The following PKHD1 variants were observed in gnomAD, a reference collection of about 807,000 sequenced individuals.
PKHD1 encodes PKHD1 ciliary IPT domain containing fibrocystin/polyductin.
Under a neutral mutation model 412.0 loss-of-function variants are expected in PKHD1, and 291 were observed. That is an observed-to-expected ratio of 0.71 (90% CI 0.64 to 0.78). The LOEUF is 0.78. Among genes scored for constraint, PKHD1 ranks in the 30% least tolerant of loss-of-function variants. The pLI is 0.00. For missense variants in PKHD1, 4,825 were observed against 4,950.7 expected, an observed-to-expected ratio of 0.97 and a Z score of 0.76; for synonymous variants, 1,777 against 1,821.5, an observed-to-expected ratio of 0.98 and a Z score of 0.62.
chr6:51,791,831 C>T (rs77832207), intron 52 of PKHD1, among the ~76,000 whole-genome samples: 2,921 of 152,250 alleles, frequency 0.019, 99 homozygotes, highest in African/African-American at 0.065. Context: ...CTCTGTGCCT[C>T]GGTTATCTCA....
At chr6:51,678,569 G>A (rs1002242494) in intron 60 of PKHD1, among the ~76,000 whole-genome samples, 1 of 152,004 alleles carries the variant, frequency 6.6e-6, no homozygotes, top group Non-Finnish European at 1.5e-5. Flanking sequence ...GACAACCTAT[G>A]TTTTCAAGAA....
At chr6:51,795,235 C>A (rs1024078719) in intron 52 of PKHD1, among the ~76,000 whole-genome samples, 9 of 152,086 alleles carry the variant, frequency 5.9e-5, no homozygotes, top group African/African-American at 1.7e-4. Flanking sequence ...TTAAGGAGAA[C>A]TGTTCACTTC....
At chr6:51,925,004 G>C (rs1461488171) in intron 37 of PKHD1, among the ~76,000 whole-genome samples, 1 of 152,164 alleles carries the variant, frequency 6.6e-6, no homozygotes, top group African/African-American at 2.4e-5. Context: ...ATAGATGTGG[G>C]AACTGAAACA....
At chr6:51,703,747 C>T (rs764187409) in intron 60 of PKHD1, among the ~76,000 whole-genome samples, 2 of 151,982 alleles carry the variant, frequency 1.3e-5, no homozygotes, top group African/African-American at 4.8e-5. Flanking sequence ...TGATTGATGA[C>T]ATATTAAAGA....
At chr6:51,831,403 G>C (rs1768221560) in intron 51 of PKHD1, among the ~76,000 whole-genome samples, 1 of 151,870 alleles carries the variant, frequency 6.6e-6, no homozygotes, top group Non-Finnish European at 1.5e-5. Context: ...TTTACACCCA[G>C]TTCTACTTTT....
chr6:51,803,182 G>A (rs1763202420), intron 52 of PKHD1, among the ~76,000 whole-genome samples: 1 of 151,276 alleles, frequency 6.6e-6, no homozygotes, highest in African/African-American at 2.5e-5. Flanking sequence ...AACTTCTGTA[G>A]AAGTTGTCAT....
intron 35 of PKHD1, among the ~76,000 whole-genome samples, chr6:51,985,215 T>C (rs1314123401): frequency 6.6e-6 from 1 of 152,188 alleles, no homozygotes; most frequent in Non-Finnish European, 1.5e-5. Flanking sequence ...TCAAAATATG[T>C]GGAAAGATAA....
At chr6:51,715,124 A>G (rs1781104490) in intron 60 of PKHD1, among the ~76,000 whole-genome samples, 1 of 152,128 alleles carries the variant, frequency 6.6e-6, no homozygotes, top group African/African-American at 2.4e-5. Flanking sequence ...TACCAAAGCT[A>G]GTCTCCTTTA....
At chr6:51,726,177 C>T (rs1234761515) in intron 60 of PKHD1, among the ~76,000 whole-genome samples, 1 of 152,114 alleles carries the variant, frequency 6.6e-6, no homozygotes, top group African/African-American at 2.4e-5. Context: ...TAGAAGTTCA[C>T]GTTCATGTCA....
chr6:51,853,234 T>C (rs7769022), intron 49 of PKHD1, among the ~76,000 whole-genome samples: 61,221 of 152,054 alleles, frequency 0.4, 13,512 homozygotes, highest in East Asian at 0.85. Flanking sequence ...GAATATTGGC[T>C]TCCAATCTCC....
chr6:52,021,329 A>C (rs1439245499), intron 33 of PKHD1, among the ~76,000 whole-genome samples: 1 of 152,226 alleles, frequency 6.6e-6, no homozygotes, highest in Non-Finnish European at 1.5e-5. Flanking sequence ...CCTGATCCTG[A>C]AACATCATTG....
chr6:51,886,854 C>T (rs1778290653), intron 44 of PKHD1, among the ~76,000 whole-genome samples: 1 of 152,096 alleles, frequency 6.6e-6, no homozygotes, highest in Non-Finnish European at 1.5e-5. Context: ...TAAAGAGGCT[C>T]TGGAGGAAAA....
At chr6:51,912,918 T>G (rs1335856867) in intron 37 of PKHD1, among the ~76,000 whole-genome samples, 1 of 152,088 alleles carries the variant, frequency 6.6e-6, no homozygotes, top group Non-Finnish European at 1.5e-5. Flanking sequence ...GTAATAAACT[T>G]GATGAATGGG....
At chr6:52,076,426 G>A (rs906366537) in intron 5 of PKHD1, 93 bp from the exon 6 acceptor site, 1 of 870,488 alleles carries the variant, frequency 1.1e-6, no homozygotes. Context: ...ATTACTTGAA[G>A]GTAATAAATG....
At chr6:51,931,170 G>A (rs555620101) in intron 37 of PKHD1, among the ~76,000 whole-genome samples, 1 of 152,026 alleles carries the variant, frequency 6.6e-6, no homozygotes, top group Non-Finnish European at 1.5e-5. Flanking sequence ...ATAGTCAATA[G>A]GCCACCTGAG....
Position 51,803,760 on chromosome 6 carries a change from G to A in PKHD1, c.8303-12387C>T, listed in dbSNP as rs151138752. Among the ~76,000 whole-genome samples, 1,031 of 151,586 alleles carry A rather than the reference G, an allele frequency of 6.8e-3. 16 individuals carry two copies. The highest frequency in any genetic ancestry group is 0.011 in the Non-Finnish European group (728 of 67,996). ...TCACTCTTGTCACCCAGGCTGGAGT[G>A]CAATGGTGCGATCTTGGCTCACTGT... On this transcript the variant is annotated intron_variant, in intron 52 of 66. Transcript: ENST00000371117.
At chr6:51,723,177 C>A (rs768917068) in intron 60 of PKHD1, among the ~76,000 whole-genome samples, 10 of 152,100 alleles carry the variant, frequency 6.6e-5, no homozygotes, top group Non-Finnish European at 1.2e-4. Context: ...ATGTGATAGT[C>A]TATATGATCT....
intron 8 of PKHD1, 106 bp downstream of exon 8, chr6:52,072,009 A>G (rs1317208223): frequency 1.0e-5 from 8 of 763,512 alleles, no homozygotes; most frequent in Admixed American, 5.5e-5. Flanking sequence ...TTTTAAAAAA[A>G]CAGATATATG....
chr6:51,989,140 C>T (rs907987621), intron 35 of PKHD1, among the ~76,000 whole-genome samples: 2 of 152,156 alleles, frequency 1.3e-5, no homozygotes, highest in Non-Finnish European at 2.9e-5. Flanking sequence ...AGGGCCTTTG[C>T]CCTGGTACTG....
Sources: allele counts gnomAD v4.1 joint callset (sites outside exome capture counted in the v4.1 genomes callset), GRCh38; gene constraint gnomAD v4.1.1; transcripts MANE v1.5; gene names NCBI Gene and HGNC (gene_info 2026-07-23, HGNC 2026-07-21).